Variants in ZNF185 observed in about 807,000 individuals in gnomAD.
The protein encoded by ZNF185 is zinc finger protein 185 with LIM domain.
ZNF185 carries 56 observed loss-of-function variants against 58.6 expected under a neutral mutation model. The observed-to-expected ratio is 0.95, with a 90% confidence interval of 0.77 to 1.19. The LOEUF is 1.19. Among genes scored for constraint, ZNF185 ranks in the 50% most tolerant of loss-of-function variants. ZNF185 has a pLI of 0.00. For synonymous variants in ZNF185, 230 were observed against 215.9 expected (o/e 1.07, Z -0.57); for missense variants, 627 against 573.5 (o/e 1.09, Z -0.95).
At chrX:152,940,570 G>C (rs1603270530) in intron 15 of ZNF185, among the ~76,000 whole-genome samples, 1 of 111,355 alleles carries the variant, frequency 9.0e-6, no homozygotes, top group East Asian at 2.8e-4. Context: ...GTGGAGACCA[G>C]AGTTCTTATA....
At chrX:152,930,411 G>A (rs782476031) in intron 12 of ZNF185, among the ~76,000 whole-genome samples, 1 of 112,050 alleles carries the variant, frequency 8.9e-6, no homozygotes, top group South Asian at 3.7e-4. Flanking sequence ...AATCATGAGC[G>A]TAAACTAGCT....
In ZNF185 at chrX:152,965,617, C is replaced by T; in HGVS notation, c.1799+90C>T. 7 of 816,403 alleles carry T rather than the reference C, an allele frequency of 8.6e-6. No homozygotes were observed. The South Asian group carries it at 1.5e-4, about 17-fold the overall frequency. The allele number at this position is 816,403 out of a possible 1,213,427, so 67.3% of individuals were successfully genotyped here. ...TGCATTTCCAGTTCCTTGTCCAGGA[C>T]TTGGCTCAGAGTAGCTTCGGGGTAA... is the stretch of plus-strand genomic sequence containing the variant. On this transcript the variant is annotated intron_variant, in intron 19 of 22. Transcript: ENST00000449285.
upstream of ZNF185, among the ~76,000 whole-genome samples, chrX:152,913,882 A>G (rs1221247282): frequency 2.7e-5 from 3 of 111,390 alleles, no homozygotes; most frequent in Non-Finnish European, 5.7e-5. Context: ...TTTTTTAACT[A>G]TCATTTTACA....
At position 152,923,072 on chromosome X, in the gene ZNF185, C is replaced by T. The variant is rs1282245104; in HGVS notation, c.830+263C>T. Among the ~76,000 whole-genome samples the T allele has an allele frequency of 2.7e-5, 3 of 112,440 alleles. No individual in the cohort carries two copies. The East Asian group carries it at 8.4e-4, about 31-fold the overall frequency. ...TTGTGCAGAATGGTGCTAAGTCCTGCAGGGAGAGCCACCACCTGCTGTTGC... is the reference window on the plus strand; with the variant it reads ...TTGTGCAGAATGGTGCTAAGTCCTGTAGGGAGAGCCACCACCTGCTGTTGC... On this transcript the variant is annotated intron_variant, in intron 11 of 22. Coordinates refer to ENST00000449285, the Ensembl canonical transcript of ZNF185.
At chrX:152,916,550 C>G (rs1938516351) in intron 3 of ZNF185, among the ~76,000 whole-genome samples, 1 of 112,112 alleles carries the variant, frequency 8.9e-6, no homozygotes, top group Non-Finnish European at 1.9e-5. Flanking sequence ...AAACTTCCAC[C>G]AAGACTTGGG....
At chrX:152,941,815 C>T (rs2047231658) in intron 15 of ZNF185, 2 of 1,156,897 alleles carry the variant, frequency 1.7e-6, no homozygotes, top group Admixed American at 5.2e-5. Context: ...GAGGAGCTGG[C>T]TGCCCCTTCC....
intron 16 of ZNF185, among the ~76,000 whole-genome samples, chrX:152,951,327 TTC>T: frequency 8.9e-6 from 1 of 111,932 alleles, no homozygotes; most frequent in Middle Eastern, 4.6e-3. Context: ...TTGATATTAG[TTC>T]TTTTTTGAAA....
At chrX:152,957,223 A>G (rs1363609109) in intron 16 of ZNF185, among the ~76,000 whole-genome samples, 5 of 98,372 alleles carry the variant, frequency 5.1e-5, no homozygotes, top group Admixed American at 1.1e-4. Context: ...GTGTGCCACC[A>G]TGTCTGGCTA....
At chrX:152,900,529 G>A in the ZNF185 span, among the ~76,000 whole-genome samples, 5 of 113,222 alleles carry the variant, frequency 4.4e-5, no homozygotes, top group South Asian at 3.6e-4. Flanking sequence ...TCTCCAGTGC[G>A]GCAACCCCTT....
At chrX:152,963,941 C>T (rs2049831699) in exon 18 of ZNF185, 2 of 1,210,149 alleles carry the variant, frequency 1.7e-6, no homozygotes, top group South Asian at 1.8e-5. Context: ...TGGACTCCAG[C>T]TCTACCACGT....
At chrX:152,922,904 G>T in intron 11 of ZNF185, 95 bp downstream of exon 12, 1 of 796,527 alleles carries the variant, frequency 1.3e-6, no homozygotes, top group South Asian at 2.5e-5. Flanking sequence ...GGGTCTGGCA[G>T]TGGGGTGATG....
intron 15 of ZNF185, among the ~76,000 whole-genome samples, chrX:152,938,811 T>A (rs1378214764): frequency 1.1e-5 from 1 of 92,088 alleles, no homozygotes; most frequent in Non-Finnish European, 2.3e-5. Flanking sequence ...GGAAGGATAG[T>A]GCTCCGAAGA....
intron 12 of ZNF185, among the ~76,000 whole-genome samples, chrX:152,931,024 C>T (rs1392606352): frequency 9.0e-6 from 1 of 111,450 alleles, no homozygotes; most frequent in Non-Finnish European, 1.9e-5. Context: ...TCCGTTTGCT[C>T]ATCTGAAAGA....
chrX:152,923,967 G>A (rs1456831906), intron 11 of ZNF185, among the ~76,000 whole-genome samples: 3 of 111,503 alleles, frequency 2.7e-5, no homozygotes, highest in Admixed American at 1.9e-4. Flanking sequence ...CCACAGAAAC[G>A]TATCATCTCC....
chrX:152,943,572 C>A (rs2047478147), intron 15 of ZNF185, among the ~76,000 whole-genome samples: 1 of 112,656 alleles, frequency 8.9e-6, no homozygotes, highest in Non-Finnish European at 1.9e-5. Context: ...GCAGAGCTTC[C>A]TGTGAGTGTT....
chrX:152,937,715 C>T lies in ZNF185; in HGVS notation c.1122-359C>T, dbSNP rs371251338. Among the ~76,000 whole-genome samples, 30 of 112,447 alleles carry T rather than the reference C, an allele frequency of 2.7e-4. No individual in the cohort carries two copies. The East Asian group carries it at 4.4e-3, about 17-fold the overall frequency. On this transcript the variant is annotated intron_variant, in intron 14 of 22. Transcript: ENST00000449285. ...AGAAGTGGAGGTGTGCACCTGTGCA[C>T]CAGACTCATTGAGTCATGCAGGCCT...
At chrX:152,929,498 G>A (rs1941544362) in intron 12 of ZNF185, among the ~76,000 whole-genome samples, 1 of 111,251 alleles carries the variant, frequency 9.0e-6, no homozygotes, top group South Asian at 3.8e-4. Flanking sequence ...GAGTGCTTGG[G>A]GAGGGCTTCC....
chrX:152,953,191 ACTT>A (rs1556901579), intron 16 of ZNF185, among the ~76,000 whole-genome samples: 1 of 111,302 alleles, frequency 9.0e-6, no homozygotes, highest in African/African-American at 3.3e-5. Context: ...AACCAAGAAA[ACTT>A]CTATCCAGGA....
intron 3 of ZNF185, among the ~76,000 whole-genome samples, chrX:152,916,562 T>A (rs1438489107): frequency 2.8e-5 from 3 of 107,663 alleles, no homozygotes; most frequent in Non-Finnish European, 5.9e-5. Flanking sequence ...AGACTTGGGG[T>A]GTGGGCATGC....
Sources: allele counts gnomAD v4.1 joint callset (sites outside exome capture counted in the v4.1 genomes callset), GRCh38; gene constraint gnomAD v4.1.1; transcripts MANE v1.5; gene names NCBI Gene and HGNC (gene_info 2026-07-23, HGNC 2026-07-21).